The following FANCC variants were observed in gnomAD, a reference collection of about 807,000 sequenced individuals.
The protein encoded by FANCC is FA complementation group C.
Under a neutral mutation model 71.3 loss-of-function variants are expected in FANCC, and 55 were observed. The observed-to-expected ratio is 0.77, with a 90% CI of 0.62 to 0.97. The LOEUF (loss-of-function observed/expected upper bound fraction) is 0.97, where lower values mean the gene tolerates loss of function less well. Ranked by LOEUF, FANCC falls within the 50% of genes least tolerant of loss-of-function variation. The pLI is 0.00. For missense variants in FANCC, 678 were observed against 670.9 expected, an observed-to-expected ratio of 1.01 and a Z score of -0.12; for synonymous variants, 275 against 244.9, an observed-to-expected ratio of 1.12 and a Z score of -1.15.
chr9:95,242,479 C>CAAAAAAAA (rs1162048314), intron 3 of FANCC, among the ~76,000 whole-genome samples: 5 of 56,256 alleles, frequency 8.9e-5, no homozygotes, highest in South Asian at 5.5e-4. Flanking sequence ...CATTCACCAC[C>CAAAAAAAA]AAAAAAAAAA....
intron 9 of FANCC, among the ~76,000 whole-genome samples, chr9:95,125,464 A>G (rs549729171): frequency 6.6e-6 from 1 of 152,294 alleles, no homozygotes; most frequent in South Asian, 2.1e-4. Flanking sequence ...ACTCTGTACA[A>G]ATATTTTTGT....
chr9:95,295,796 T>G (rs1834333790), intron 1 of FANCC, among the ~76,000 whole-genome samples: 1 of 147,392 alleles, frequency 6.8e-6, no homozygotes, highest in African/African-American at 2.5e-5. Flanking sequence ...AAGAGTACAA[T>G]GGCTGTTGCC....
intron 1 of FANCC, chr9:95,294,462 A>C: frequency 6.2e-7 from 1 of 1,601,334 alleles, no homozygotes; most frequent in East Asian, 2.2e-5. Context: ...AGACAGACTT[A>C]AACTTTTTCT....
intron 1 of FANCC, among the ~76,000 whole-genome samples, chr9:95,314,942 A>C (rs1000801336): frequency 5.3e-5 from 8 of 152,188 alleles, no homozygotes; most frequent in African/African-American, 1.9e-4. Flanking sequence ...TTCTGAAAAA[A>C]AATAACAAAC....
intron 1 of FANCC, chr9:95,292,671 T>A: frequency 7.4e-7 from 1 of 1,351,152 alleles, no homozygotes. Context: ...CCGCATGCAG[T>A]ATAGCACAGT....
chr9:95,249,173 T>A lies in FANCC; in HGVS notation c.119A>T (p.Gln40Leu), dbSNP rs1368894079. 2 of 1,614,128 alleles carry A rather than the reference T, an allele frequency of 1.2e-6. No homozygotes were observed. Among genetic ancestry groups the A allele is most frequent in the South Asian group, 2.2e-5 (2 of 91,076 alleles). Reference protein sequence around the residue: ...TQQDTCLHVAQFQEFLRKMYE... With the variant: ...TQQDTCLHVALFQEFLRKMYE... The stretch of plus-strand genomic sequence containing the variant: ...CATCTTCCTTAGGAACTCCTGGAAC[T>A]GAGCCACGTGAAGACAGGTGTCTTG... Residue 40 changes from glutamine (Q) to leucine (L), a missense_variant, in exon 2 of 15, where the codon CAG becomes CTG. Coordinates refer to ENST00000289081, the MANE Select transcript of FANCC (RefSeq NM_000136.3).
intron 7 of FANCC, 84 bp downstream of exon 7, chr9:95,149,839 C>T: frequency 6.9e-7 from 1 of 1,451,014 alleles, no homozygotes; most frequent in East Asian, 2.5e-5. Context: ...TTGGACACTG[C>T]TGTCGTACAG....
At chr9:95,290,528 G>A (rs1833938439) in intron 1 of FANCC, among the ~76,000 whole-genome samples, 1 of 152,158 alleles carries the variant, frequency 6.6e-6, no homozygotes, top group African/African-American at 2.4e-5. Flanking sequence ...GTAGAGAAGT[G>A]ACACAGGGAA....
chr9:95,128,110 T>C (rs1162391670), intron 8 of FANCC, among the ~76,000 whole-genome samples: 1 of 152,212 alleles, frequency 6.6e-6, no homozygotes, highest in Non-Finnish European at 1.5e-5. Context: ...GCTTCGAACT[T>C]AGGCATGTCA....
intron 4 of FANCC, among the ~76,000 whole-genome samples, chr9:95,230,265 C>T (rs1187200464): frequency 2.0e-5 from 3 of 152,156 alleles, no homozygotes; most frequent in Admixed American, 2.0e-4. Flanking sequence ...TGCAGTCACA[C>T]CACCACCTGG....
chr9:95,187,604 A>G (rs1383321635), intron 4 of FANCC, among the ~76,000 whole-genome samples: 1 of 152,112 alleles, frequency 6.6e-6, no homozygotes, highest in Non-Finnish European at 1.5e-5. Context: ...GGGCCCTAGA[A>G]TCTGTTCTTC....
chr9:95,298,229 A>T (rs1412554702), intron 1 of FANCC, among the ~76,000 whole-genome samples: 1 of 152,190 alleles, frequency 6.6e-6, no homozygotes, highest in Non-Finnish European at 1.5e-5. Flanking sequence ...CATAGTAAAA[A>T]AAAGGAATAG....
At chr9:95,134,978 G>C (rs1335748698) in intron 8 of FANCC, among the ~76,000 whole-genome samples, 1 of 152,258 alleles carries the variant, frequency 6.6e-6, no homozygotes, top group Non-Finnish European at 1.5e-5. Flanking sequence ...AGAGCTACAA[G>C]TTTATTTTTT....
intron 4 of FANCC, among the ~76,000 whole-genome samples, chr9:95,228,565 T>C (rs530532259): frequency 6.6e-6 from 1 of 152,288 alleles, no homozygotes; most frequent in African/African-American, 2.4e-5. Context: ...TACAAGAAGG[T>C]CTCTGCACTC....
At chr9:95,169,447 T>A (rs1588215823) in intron 6 of FANCC, among the ~76,000 whole-genome samples, 1 of 152,202 alleles carries the variant, frequency 6.6e-6, no homozygotes, top group East Asian at 1.9e-4. Context: ...GGGATTACTG[T>A]ATGCGATTTC....
chr9:95,100,516 AC>A lies in FANCC; in HGVS notation c.*1190del. On this transcript the variant is annotated 3_prime_UTR_variant, in exon 15 of 15. Coordinates refer to ENST00000289081, the MANE Select transcript of FANCC (RefSeq NM_000136.3). ...AATGGACAAAAGCAAGTCTTGACTC[AC>A]TTGACAAACAGAATAGACACAAAAG... The A allele has an allele frequency of 4.3e-6, 1 of 232,302 alleles. No homozygotes were observed. Among genetic ancestry groups the A allele is most frequent in the South Asian group, 1.8e-4 (1 of 5,522 alleles). The allele number at this position is 232,302 out of a possible 1,614,324, so 14.4% of individuals were successfully genotyped here.
At chr9:95,105,149 TAG>T (rs2071345727) in intron 14 of FANCC, among the ~76,000 whole-genome samples, 1 of 152,214 alleles carries the variant, frequency 6.6e-6, no homozygotes, top group Admixed American at 6.5e-5. Flanking sequence ...GGATTCGTCT[TAG>T]CTGAGACACC....
intron 13 of FANCC, among the ~76,000 whole-genome samples, chr9:95,108,458 C>CGACT: frequency 6.6e-6 from 1 of 152,314 alleles, no homozygotes; most frequent in South Asian, 2.1e-4. Context: ...GACCCACAAC[C>CGACT]GACTTTCTGC....
Position 95,266,186 on chromosome 9 carries a change from T to C in FANCC, c.-78-16817A>G, listed in dbSNP as rs140445607. ...TATCTAAAGTCATTCTTCTTATTAGTTAAATATTAACAAACATAAACCAGT... is the reference window on the plus strand; with the variant it reads ...TATCTAAAGTCATTCTTCTTATTAGCTAAATATTAACAAACATAAACCAGT... On this transcript the variant is annotated intron_variant, in intron 1 of 14. Transcript: ENST00000289081. Among the ~76,000 whole-genome samples the C allele has an allele frequency of 2.7e-3, 413 of 152,364 alleles. 2 individuals carry two copies. The highest frequency in any genetic ancestry group is 8.4e-3 in the African/African-American group (348 of 41,580).
Sources: allele counts gnomAD v4.1 joint callset (sites outside exome capture counted in the v4.1 genomes callset), GRCh38; gene constraint gnomAD v4.1.1; transcripts MANE v1.5; gene names NCBI Gene and HGNC (gene_info 2026-07-23, HGNC 2026-07-21).